The following CORIN variants were observed in gnomAD, a reference collection of about 807,000 sequenced individuals.
CORIN encodes atrial natriuretic peptide-converting enzyme.
In CORIN, 117 loss-of-function variants were observed where a neutral mutation model predicts 125.3. That is an observed-to-expected ratio of 0.93 (90% confidence interval 0.80 to 1.09). CORIN has a LOEUF of 1.09. CORIN is among the 50% of genes least tolerant of loss of function. The pLI is 0.00. For missense variants in CORIN, 1,253 were observed against 1,306.7 expected, an observed-to-expected ratio of 0.96 and a Z score of 0.63; for synonymous variants, 450 against 466.4, an observed-to-expected ratio of 0.96 and a Z score of 0.45.
chr4:47,716,808 T>C (rs1369336533), intron 5 of CORIN, among the ~76,000 whole-genome samples: 3 of 152,080 alleles, frequency 2.0e-5, no homozygotes, highest in African/African-American at 7.2e-5. Context: ...GCTTCAACTA[T>C]CACATAATAA....
At chr4:47,781,705 C>T (rs1449708108) in intron 3 of CORIN, among the ~76,000 whole-genome samples, 2 of 152,134 alleles carry the variant, frequency 1.3e-5, no homozygotes, top group African/African-American at 2.4e-5. Context: ...CCTGTGATCC[C>T]AGCACTTTGG....
chr4:47,685,919 T>C lies in CORIN; in HGVS notation c.914-2081A>G, dbSNP rs146343882. Among the ~76,000 whole-genome samples the C allele has an allele frequency of 7.2e-3, 1,079 of 150,612 alleles. 6 individuals carry two copies. The highest frequency in any genetic ancestry group is 0.012 in the Non-Finnish European group (808 of 67,770). On this transcript the variant is annotated intron_variant, in intron 6 of 21. Coordinates refer to ENST00000273857, the MANE Select transcript of CORIN (RefSeq NM_006587.4). ...AAAATAGGGCACGTTTGAAGATCAG[T>C]CTACTTGGCTGATGAAGGCCAGAAA...
intron 12 of CORIN, among the ~76,000 whole-genome samples, chr4:47,655,284 A>T (rs2109648219): frequency 6.6e-6 from 1 of 151,922 alleles, no homozygotes; most frequent in South Asian, 2.1e-4. Flanking sequence ...CCTGCTTGAG[A>T]ACAGGAGAGG....
chr4:47,692,251 G>A (rs996947596), intron 6 of CORIN, among the ~76,000 whole-genome samples: 1 of 152,192 alleles, frequency 6.6e-6, no homozygotes, highest in African/African-American at 2.4e-5. Context: ...AGATACTTCT[G>A]TTTTGAATAC....
At chr4:47,670,082 C>T (rs1724677174) in intron 10 of CORIN, among the ~76,000 whole-genome samples, 1 of 152,210 alleles carries the variant, frequency 6.6e-6, no homozygotes, top group Non-Finnish European at 1.5e-5. Flanking sequence ...TCGCACACTC[C>T]TGGTGAAGTT....
At chr4:47,631,039 A>C (rs1875824) in intron 16 of CORIN, among the ~76,000 whole-genome samples, 39,589 of 151,938 alleles carry the variant, frequency 0.26, 5,349 homozygotes, top group Admixed American at 0.36. Context: ...GAGGGTGCCT[A>C]TAAATCAGGG....
intron 1 of CORIN, among the ~76,000 whole-genome samples, chr4:47,818,017 G>T (rs1200549740): frequency 6.6e-6 from 1 of 152,070 alleles, no homozygotes; most frequent in Non-Finnish European, 1.5e-5. Context: ...CTTCTTCTTG[G>T]GGTGAAGTAG....
At chr4:47,807,882 C>T (rs964405739) in intron 1 of CORIN, among the ~76,000 whole-genome samples, 1 of 152,164 alleles carries the variant, frequency 6.6e-6, no homozygotes, top group African/African-American at 2.4e-5. Context: ...AAGAAACTCT[C>T]CGAGTCTCCT....
intron 3 of CORIN, among the ~76,000 whole-genome samples, chr4:47,773,002 C>T (rs930692539): frequency 1.3e-5 from 2 of 151,960 alleles, no homozygotes; most frequent in African/African-American, 4.8e-5. Flanking sequence ...TACAATAAAA[C>T]AATGCTGGGA....
At chr4:47,623,096 C>CTCTCTCTCTCTCTCTCTCTCTCTATA in intron 19 of CORIN, among the ~76,000 whole-genome samples, 1 of 102,300 alleles carries the variant, frequency 9.8e-6, no homozygotes, top group Non-Finnish European at 1.8e-5. Context: ...CTCTCTCTCT[C>CTCTCTCTCTCTCTCTCTCTCTCTATA]TATATATATA....
chr4:47,627,052 C>T (rs13142272), intron 16 of CORIN, among the ~76,000 whole-genome samples: 1,974 of 151,848 alleles, frequency 0.013, 13 homozygotes, highest in Middle Eastern at 0.037. Context: ...GGTACAATCT[C>T]GGCTCACTGC....
intron 2 of CORIN, among the ~76,000 whole-genome samples, chr4:47,793,155 C>G (rs1307259361): frequency 6.6e-6 from 1 of 152,126 alleles, no homozygotes; most frequent in Non-Finnish European, 1.5e-5. Flanking sequence ...CAGACTCCCC[C>G]ACAATGCTGT....
intron 1 of CORIN, among the ~76,000 whole-genome samples, chr4:47,815,787 T>C (rs1366806924): frequency 6.6e-6 from 1 of 152,172 alleles, no homozygotes; most frequent in African/African-American, 2.4e-5. Flanking sequence ...GGAAATTAAA[T>C]ATTTGATATT....
At chr4:47,711,143 T>C (rs1340821132) in intron 5 of CORIN, among the ~76,000 whole-genome samples, 1 of 152,160 alleles carries the variant, frequency 6.6e-6, no homozygotes, top group African/African-American at 2.4e-5. Context: ...CCCTCAAACC[T>C]GACCCCTTGA....
At chr4:47,804,921 G>A (rs541973593) in intron 2 of CORIN, among the ~76,000 whole-genome samples, 15 of 151,378 alleles carry the variant, frequency 9.9e-5, no homozygotes, top group African/African-American at 2.2e-4. Context: ...TGGATCACGC[G>A]GTCAGGAGAT....
intron 6 of CORIN, among the ~76,000 whole-genome samples, chr4:47,688,693 T>G (rs572928589): frequency 7.9e-5 from 12 of 152,340 alleles, no homozygotes; most frequent in Admixed American, 2.6e-4. Flanking sequence ...AAAGAAACCA[T>G]GGCTTAACAG....
At chr4:47,775,125 C>T (rs1328318051) in intron 3 of CORIN, among the ~76,000 whole-genome samples, 2 of 152,010 alleles carry the variant, frequency 1.3e-5, no homozygotes, top group Admixed American at 6.6e-5. Context: ...GCTGACTAGA[C>T]GCATACAAGT....
intron 6 of CORIN, among the ~76,000 whole-genome samples, chr4:47,690,966 G>T (rs545576786): frequency 6.6e-6 from 1 of 152,126 alleles, no homozygotes; most frequent in African/African-American, 2.4e-5. Context: ...TTCCCCAACG[G>T]ACCAAAAGAT....
Position 47,595,014 on chromosome 4 carries a change from AC to A in CORIN, c.*706del, listed in dbSNP as rs1224241224. 3 of 152,230 alleles carry A rather than the reference AC, an allele frequency of 2.0e-5. No homozygotes were observed. Among genetic ancestry groups the A allele is most frequent in the Non-Finnish European group, 4.4e-5 (3 of 68,034 alleles). The allele number at this position is 152,230 out of a possible 1,614,324, so 9.4% of individuals were successfully genotyped here. A position where few individuals can be genotyped will look rare whatever the true frequency, so the allele number is the denominator to read the frequency against. Reference sequence around the variant, plus strand: ...ATATGTCTTGCTACCTAAATGGATGACACTGGTCTTTTATTGCTGTCTTTTA... The same window carrying A: ...ATATGTCTTGCTACCTAAATGGATGAACTGGTCTTTTATTGCTGTCTTTTA... On this transcript the variant is annotated 3_prime_UTR_variant, in exon 22 of 22. Coordinates refer to ENST00000273857, the MANE Select transcript of CORIN (RefSeq NM_006587.4).
Sources: gnomAD v4.1 joint callset for allele counts (sites outside exome capture counted in the v4.1 genomes callset) on GRCh38, gnomAD v4.1.1 for gene constraint, MANE v1.5 for transcripts, NCBI Gene and HGNC (gene_info 2026-07-23, HGNC 2026-07-21) for gene names.